The following PHF14 variants were observed in gnomAD, a reference collection of about 807,000 sequenced individuals.
PHF14 encodes the protein PHD finger protein 14.
Under a neutral mutation model 117.9 loss-of-function variants are expected in PHF14, and 55 were observed. The ratio of observed to expected loss-of-function variants is 0.47; its 90% CI spans 0.38 to 0.58. PHF14 has a LOEUF of 0.58. PHF14 is among the 20% of genes least tolerant of loss of function. The pLI is 0.00. For synonymous variants in PHF14, 409 were observed against 368.6 expected, an observed-to-expected ratio of 1.11 and a Z score of -1.26; for missense variants, 978 against 1,122.2, an observed-to-expected ratio of 0.87 and a Z score of 1.84.
chr7:10,994,930 C>T (rs1253039071), intron 4 of PHF14, among the ~76,000 whole-genome samples: 1 of 152,224 alleles, frequency 6.6e-6, no homozygotes. Flanking sequence ...CCATTGCTGG[C>T]TGGGGCAGCT....
chr7:11,065,837 A>T (rs1288385416), intron 16 of PHF14, among the ~76,000 whole-genome samples: 1 of 152,162 alleles, frequency 6.6e-6, no homozygotes, highest in Non-Finnish European at 1.5e-5. Flanking sequence ...TTAATCAGAG[A>T]TAGGAGAGAG....
At chr7:11,004,989 C>T (rs1452954352) in intron 4 of PHF14, among the ~76,000 whole-genome samples, 3 of 151,862 alleles carry the variant, frequency 2.0e-5, no homozygotes, top group African/African-American at 7.3e-5. Context: ...TGCACTCCAG[C>T]CTGGGCAATA....
rs1178805337 is a variant in PHF14 at position 10,974,189 on chromosome 7, C to G, written c.-135C>G. ...GGCTACTCTTGGGAGCGCCCCTGTC[C>G]GGCTGGCTGCGCGCCGGTTTTAAAT... On this transcript the variant is annotated 5_prime_UTR_variant, in exon 1 of 18. Coordinates refer to ENST00000634607, the MANE Select transcript of PHF14 (RefSeq NM_001007157.2). 1 of 776,210 alleles carries G rather than the reference C, an allele frequency of 1.3e-6. No homozygotes were observed. The highest frequency in any genetic ancestry group is 1.5e-5 in the South Asian group (1 of 66,522). 48.1% of individuals were successfully genotyped at this position (776,210 alleles called of 1,614,324 possible).
rs1254748215 is a variant in PHF14 at position 11,107,289 on chromosome 7, T to C, written c.2655-4061T>C. 7 of 972,974 alleles carry C rather than the reference T, an allele frequency of 7.2e-6. No individual in the cohort carries two copies. The African/African-American group carries it at 8.8e-5, about 12-fold the overall frequency. The allele number at this position is 972,974 out of a possible 1,614,324, so 60.3% of individuals were successfully genotyped here. On this transcript the variant is annotated intron_variant, in intron 16 of 17. Coordinates refer to ENST00000634607, the MANE Select transcript of PHF14 (RefSeq NM_001007157.2). ...TGAAGGTAAATCATTTTTTTCCCTC[T>C]TCTTTGTTTAGGGTGCTATTCTTAA...
At chr7:11,131,527 T>C (rs1161597346) in intron 17 of PHF14, among the ~76,000 whole-genome samples, 1 of 151,968 alleles carries the variant, frequency 6.6e-6, no homozygotes. Context: ...TAAAGAGTTA[T>C]TTGTATATTT....
At chr7:11,030,709 T>C (rs1784092981) in intron 7 of PHF14, among the ~76,000 whole-genome samples, 1 of 152,200 alleles carries the variant, frequency 6.6e-6, no homozygotes, top group African/African-American at 2.4e-5. Flanking sequence ...CTTGCCTTGC[T>C]GTGTCCCTTG....
At chr7:11,055,452 C>G (rs2353341) in intron 14 of PHF14, among the ~76,000 whole-genome samples, 54,114 of 151,950 alleles carry the variant, frequency 0.36, 10,286 homozygotes, top group East Asian at 0.74. Flanking sequence ...CTTTGAAGTT[C>G]TGAGATCTTT....
chr7:11,096,960 T>G (rs1025940231), intron 16 of PHF14, among the ~76,000 whole-genome samples: 1 of 150,646 alleles, frequency 6.6e-6, no homozygotes, highest in Non-Finnish European at 1.5e-5. Context: ...GCCCCAACAA[T>G]AGTAGACTAG....
intron 16 of PHF14, among the ~76,000 whole-genome samples, chr7:11,100,678 TAAC>T (rs1421478452): frequency 6.6e-6 from 1 of 151,908 alleles, no homozygotes; most frequent in Non-Finnish European, 1.5e-5. Context: ...TTAATCCTCA[TAAC>T]AACTGCTTGA....
chr7:11,056,903 A>G (rs938344491), intron 14 of PHF14, among the ~76,000 whole-genome samples: 6 of 151,430 alleles, frequency 4.0e-5, no homozygotes, highest in African/African-American at 1.5e-4. Flanking sequence ...ATTCCCCAGC[A>G]TAAATCTAAT....
At chr7:11,033,320 C>T (rs554227444) in intron 7 of PHF14, among the ~76,000 whole-genome samples, 30 of 152,270 alleles carry the variant, frequency 2.0e-4, no homozygotes, top group Admixed American at 5.9e-4. Flanking sequence ...GGGATCAGTT[C>T]CCTTCTTTCT....
chr7:11,135,001 A>G (rs1210783859), intron 17 of PHF14, among the ~76,000 whole-genome samples: 1 of 152,104 alleles, frequency 6.6e-6, no homozygotes, highest in African/African-American at 2.4e-5. Context: ...TCTTCACTTG[A>G]CAGACCCTTC....
chr7:11,018,433 T>C (rs528834394), intron 5 of PHF14, among the ~76,000 whole-genome samples: 1 of 152,246 alleles, frequency 6.6e-6, no homozygotes, highest in South Asian at 2.1e-4. Context: ...TTCATCAGTG[T>C]TTTATAGTTG....
intron 16 of PHF14, chr7:11,103,309 A>G (rs1787153130): frequency 2.3e-6 from 2 of 872,672 alleles, no homozygotes; most frequent in Non-Finnish European, 2.7e-6. Flanking sequence ...TATTGTTTTA[A>G]TATAAGCTTT....
chr7:11,038,590 G>A (rs151215500), intron 10 of PHF14, among the ~76,000 whole-genome samples, 170 bp from the exon 11 acceptor site: 108 of 151,616 alleles, frequency 7.1e-4, no homozygotes, highest in Middle Eastern at 3.4e-3. Flanking sequence ...CCCCAGAGGC[G>A]GAGGTTGTAG....
At chr7:11,029,774 A>G (rs1409170492) in intron 7 of PHF14, among the ~76,000 whole-genome samples, 1 of 152,158 alleles carries the variant, frequency 6.6e-6, no homozygotes, top group Non-Finnish European at 1.5e-5. Context: ...TTAAGCTTAC[A>G]TAGTAATGAA....
chr7:11,020,678 C>T (rs1354102712), intron 5 of PHF14, among the ~76,000 whole-genome samples: 1 of 150,102 alleles, frequency 6.7e-6, no homozygotes, highest in Non-Finnish European at 1.5e-5. Flanking sequence ...TGTGCCTGAC[C>T]ACTTCTTTCT....
chr7:11,097,109 A>G (rs1256985511), intron 16 of PHF14, among the ~76,000 whole-genome samples: 1 of 150,512 alleles, frequency 6.6e-6, no homozygotes, highest in Non-Finnish European at 1.5e-5. Context: ...CCTCCCAAGT[A>G]GCTGGGATTA....
intron 14 of PHF14, among the ~76,000 whole-genome samples, chr7:11,055,786 T>C (rs1366502646): frequency 6.6e-6 from 1 of 152,192 alleles, no homozygotes; most frequent in Non-Finnish European, 1.5e-5. Context: ...TTTAATAATG[T>C]TTAAGCTTAA....
Sources: gnomAD v4.1 joint callset for allele counts (sites outside exome capture counted in the v4.1 genomes callset) on GRCh38, gnomAD v4.1.1 for gene constraint, MANE v1.5 for transcripts, NCBI Gene and HGNC (gene_info 2026-07-23, HGNC 2026-07-21) for gene names.